Variants in ZNF385B observed in about 807,000 individuals in gnomAD.
ZNF385B encodes the protein zinc finger protein 385B.
Under a neutral mutation model 39.2 loss-of-function variants are expected in ZNF385B, and 23 were observed. The ratio of observed to expected loss-of-function variants is 0.59; its 90% CI spans 0.42 to 0.83. The LOEUF (loss-of-function observed/expected upper bound fraction) is 0.83, where lower values mean the gene tolerates loss of function less well. Among genes scored for constraint, ZNF385B ranks in the 40% least tolerant of loss-of-function variants. The probability of loss-of-function intolerance (pLI) is 0.00; values close to 1 mark genes in which losing one functional copy is unlikely to be tolerated. For missense variants in ZNF385B, 552 were observed against 598.9 expected, an observed-to-expected ratio of 0.92 and a Z score of 0.82; for synonymous variants, 205 against 222.6, an observed-to-expected ratio of 0.92 and a Z score of 0.70.
At chr2:179,849,675 A>G (rs1439535900) in intron 1 of ZNF385B, among the ~76,000 whole-genome samples, 1 of 152,202 alleles carries the variant, frequency 6.6e-6, no homozygotes, top group African/African-American at 2.4e-5. Flanking sequence ...GAGGGGTGTG[A>G]TGAGAGGAGC....
intron 1 of ZNF385B, among the ~76,000 whole-genome samples, chr2:179,807,929 A>AGAAAGAAG (rs749760813): frequency 0.019 from 2,195 of 116,128 alleles, 25 homozygotes; most frequent in South Asian, 0.027. Context: ...AAAGAAAGAA[A>AGAAAGAAG]GAAGGAAGGA....
intron 5 of ZNF385B, among the ~76,000 whole-genome samples, chr2:179,509,482 A>G (rs1224300057): frequency 1.3e-5 from 2 of 152,182 alleles, no homozygotes; most frequent in Non-Finnish European, 2.9e-5. Context: ...TAATCATGCT[A>G]TAATTCTGTC....
chr2:179,532,545 T>A (rs2059316696), intron 4 of ZNF385B, among the ~76,000 whole-genome samples: 1 of 152,232 alleles, frequency 6.6e-6, no homozygotes, highest in Admixed American at 6.5e-5. Context: ...ATTCACTCCT[T>A]ATAAAGATTT....
intron 3 of ZNF385B, among the ~76,000 whole-genome samples, chr2:179,576,846 G>T (rs555039121): frequency 6.2e-4 from 95 of 152,234 alleles, no homozygotes; most frequent in African/African-American, 2.0e-3. Flanking sequence ...AATTCAGGCA[G>T]TTCAACAAAC....
At chr2:179,829,924 G>A (rs1354165320) in intron 1 of ZNF385B, among the ~76,000 whole-genome samples, 1 of 152,198 alleles carries the variant, frequency 6.6e-6, no homozygotes, top group Non-Finnish European at 1.5e-5. Flanking sequence ...ATATTTTTAA[G>A]AGAATGAAAA....
intron 1 of ZNF385B, among the ~76,000 whole-genome samples, chr2:179,780,820 T>C (rs1704620383): frequency 6.6e-6 from 1 of 152,242 alleles, no homozygotes; most frequent in Non-Finnish European, 1.5e-5. Context: ...GGATAACTTA[T>C]TCCCAAAGAC....
At chr2:179,575,476 C>T (rs571393864) in intron 3 of ZNF385B, among the ~76,000 whole-genome samples, 37 of 152,060 alleles carry the variant, frequency 2.4e-4, no homozygotes, top group Non-Finnish European at 4.9e-4. Flanking sequence ...AATGTTAAAA[C>T]CAGATTGAGA....
At chr2:179,502,880 AT>A (rs1334400249) in intron 5 of ZNF385B, among the ~76,000 whole-genome samples, 1 of 151,996 alleles carries the variant, frequency 6.6e-6, no homozygotes, top group East Asian at 1.9e-4. Flanking sequence ...TACCACAACA[AT>A]TTTGGTTCAA....
intron 4 of ZNF385B, among the ~76,000 whole-genome samples, chr2:179,536,876 C>T (rs2059597392): frequency 6.6e-6 from 1 of 152,000 alleles, no homozygotes; most frequent in Non-Finnish European, 1.5e-5. Context: ...ATATAAATAA[C>T]ATCTGCATAC....
chr2:179,714,622 T>C (rs1292673321), intron 3 of ZNF385B, among the ~76,000 whole-genome samples: 1 of 152,146 alleles, frequency 6.6e-6, no homozygotes, highest in Non-Finnish European at 1.5e-5. Flanking sequence ...TCTATGATCC[T>C]TCCCAAACCT....
intron 5 of ZNF385B, among the ~76,000 whole-genome samples, chr2:179,493,689 A>ATATATG (rs2055666307): frequency 1.0e-5 from 1 of 96,114 alleles, no homozygotes; most frequent in Non-Finnish European, 2.2e-5. Context: ...ACATATACAC[A>ATATATG]TATATACATA....
chr2:179,785,837 A>G (rs1704963668), intron 1 of ZNF385B, among the ~76,000 whole-genome samples: 1 of 152,212 alleles, frequency 6.6e-6, no homozygotes, highest in Non-Finnish European at 1.5e-5. Flanking sequence ...AGAATATTTC[A>G]TAAATTTACC....
intron 4 of ZNF385B, chr2:179,522,881 C>T (rs1362723079): frequency 2.2e-6 from 1 of 451,768 alleles, no homozygotes; most frequent in Non-Finnish European, 4.6e-6. Flanking sequence ...ATATTCCTTA[C>T]CTGGCAAAAT....
At chr2:179,714,942 C>CAAAAAAAAAAA (rs34449760) in intron 3 of ZNF385B, among the ~76,000 whole-genome samples, 4 of 79,250 alleles carry the variant, frequency 5.0e-5, no homozygotes, top group African/African-American at 1.0e-4. Context: ...GATTCTATCT[C>CAAAAAAAAAAA]AAAAAAAAAA....
intron 3 of ZNF385B, among the ~76,000 whole-genome samples, chr2:179,574,276 A>C (rs1685557912): frequency 6.6e-6 from 1 of 152,170 alleles, no homozygotes; most frequent in South Asian, 2.1e-4. Context: ...TACAGATCAG[A>C]AGTGATACTA....
intron 1 of ZNF385B, among the ~76,000 whole-genome samples, chr2:179,855,615 C>A (rs1684530073): frequency 6.6e-6 from 1 of 152,146 alleles, no homozygotes; most frequent in Admixed American, 6.5e-5. Flanking sequence ...TCACTGACTT[C>A]TAAAAAATAT....
chr2:179,763,121 T>C (rs780305083), intron 3 of ZNF385B, among the ~76,000 whole-genome samples: 1 of 152,110 alleles, frequency 6.6e-6, no homozygotes, highest in Admixed American at 6.5e-5. Flanking sequence ...GCCAGGCTGG[T>C]ATCAACACCT....
intron 1 of ZNF385B, among the ~76,000 whole-genome samples, chr2:179,800,871 T>G (rs1364202027): frequency 6.6e-6 from 1 of 152,138 alleles, no homozygotes; most frequent in Non-Finnish European, 1.5e-5. Flanking sequence ...CTTATATCTC[T>G]TAAAAGGATA....
intron 3 of ZNF385B, among the ~76,000 whole-genome samples, chr2:179,758,658 C>T (rs1703188380): frequency 1.3e-5 from 2 of 152,340 alleles, no homozygotes; most frequent in South Asian, 4.1e-4. Flanking sequence ...TGTCTTGCAA[C>T]ACTGCTCTGT....
Sources: allele counts gnomAD v4.1 joint callset (sites outside exome capture counted in the v4.1 genomes callset), GRCh38; gene constraint gnomAD v4.1.1; transcripts MANE v1.5; gene names NCBI Gene and HGNC (gene_info 2026-07-23, HGNC 2026-07-21).